Variants in PAK1 observed in about 807,000 individuals in gnomAD.
PAK1 encodes the protein p21 (RAC1) activated kinase 1, also known as serine/threonine-protein kinase PAK 1.
A neutral mutation model predicts 67.4 loss-of-function variants in PAK1; 29 were observed. The ratio of observed to expected loss-of-function variants is 0.43; its 90% CI spans 0.32 to 0.59. PAK1 has a LOEUF of 0.59. Ranked by LOEUF, PAK1 falls within the 20% of genes least tolerant of loss-of-function variation. PAK1 has a pLI of 0.07. For missense variants in PAK1, 337 were observed against 670.7 expected (o/e 0.50, Z 5.50); for synonymous variants, 223 against 237.4 (o/e 0.94, Z 0.56).
At chr11:77,372,311 A>T (rs953943078) in intron 5 of PAK1, among the ~76,000 whole-genome samples, 7 of 152,196 alleles carry the variant, frequency 4.6e-5, no homozygotes, top group African/African-American at 1.7e-4. Context: ...AAGGCAGCAC[A>T]AATCAGGGGA....
chr11:77,379,894 C>G lies in PAK1; in HGVS notation c.291G>C (p.Thr97=). The change falls in exon 3 of 15, where the codon ACG becomes ACC. Residue 97 remains threonine, a splice_region_variant and synonymous_variant. Coordinates refer to ENST00000356341, the MANE Select transcript of PAK1 (RefSeq NM_002576.5). ...VGFDAVTGEF[T]GMPEQWARLL... Reference sequence around the variant, plus strand: ...GACCTTTCTGTGACCCAGGACTTACCGTAAACTCCCCTGTGACAGCATCAA... The same window carrying G: ...GACCTTTCTGTGACCCAGGACTTACGGTAAACTCCCCTGTGACAGCATCAA... 1 of 1,609,356 alleles carries G rather than the reference C, an allele frequency of 6.2e-7. No homozygotes were observed. Among genetic ancestry groups the G allele is most frequent in the Non-Finnish European group, 8.5e-7 (1 of 1,175,976 alleles).
intron 1 of PAK1, among the ~76,000 whole-genome samples, chr11:77,427,149 G>A (rs1252999256): frequency 6.6e-6 from 1 of 152,204 alleles, no homozygotes; most frequent in African/African-American, 2.4e-5. Flanking sequence ...TAAAGTCACT[G>A]AGAAAGTCTA....
intron 10 of PAK1, among the ~76,000 whole-genome samples, chr11:77,342,078 G>A (rs1943691955): frequency 6.6e-6 from 1 of 152,180 alleles, no homozygotes; most frequent in Non-Finnish European, 1.5e-5. Flanking sequence ...CCTTTGGAAG[G>A]TGATTACATC....
chr11:77,512,236 C>T, the PAK1 span, among the ~76,000 whole-genome samples: 16 of 152,166 alleles, frequency 1.1e-4, no homozygotes, highest in Admixed American at 8.5e-4. Flanking sequence ...AGCAGTTCCC[C>T]CTTTGTGGTT....
the PAK1 span, among the ~76,000 whole-genome samples, chr11:77,500,005 C>A: frequency 3.3e-5 from 5 of 152,176 alleles, no homozygotes; most frequent in Non-Finnish European, 7.3e-5. Flanking sequence ...TCTGAACACA[C>A]GCATCTGAGA....
chr11:77,498,234 G>T, the PAK1 span, among the ~76,000 whole-genome samples: 1 of 152,138 alleles, frequency 6.6e-6, no homozygotes, highest in Non-Finnish European at 1.5e-5. Context: ...AGGGGGAGCT[G>T]GGTGAAAAAC....
chr11:77,402,888 A>T lies in PAK1; in HGVS notation c.-21-10347T>A, dbSNP rs113777035. Among the ~76,000 whole-genome samples, 161 of 152,324 alleles carry T rather than the reference A, an allele frequency of 1.1e-3. 1 individual carries two copies. Among genetic ancestry groups the T allele is most frequent in the East Asian group, 5.6e-3 (29 of 5,190 alleles). Reference sequence around the variant, plus strand: ...TTTTCATTTACTTCAGTCACCCATGATCACTCAAACTCTCATCTCCAAACT... The same window carrying T: ...TTTTCATTTACTTCAGTCACCCATGTTCACTCAAACTCTCATCTCCAAACT... On this transcript the variant is annotated intron_variant, in intron 1 of 14. Transcript: ENST00000356341.
chr11:77,484,535 G>C, the PAK1 span, among the ~76,000 whole-genome samples: 4 of 152,264 alleles, frequency 2.6e-5, no homozygotes, highest in East Asian at 5.8e-4. Context: ...TCCAAATTAG[G>C]TTCCACCAAT....
intron 1 of PAK1, among the ~76,000 whole-genome samples, chr11:77,452,776 G>A (rs566770671): frequency 6.6e-6 from 1 of 152,312 alleles, no homozygotes; most frequent in Admixed American, 6.5e-5. Context: ...TAACAGGGTT[G>A]GCACATCTAA....
At chr11:77,365,874 ACAGT>A (rs1282216600) in intron 5 of PAK1, among the ~76,000 whole-genome samples, 1 of 152,066 alleles carries the variant, frequency 6.6e-6, no homozygotes, top group African/African-American at 2.4e-5. Context: ...ACCTAAACGC[ACAGT>A]CAGACTGCCA....
intron 1 of PAK1, among the ~76,000 whole-genome samples, chr11:77,454,847 G>A (rs1363993607): frequency 6.6e-6 from 1 of 152,112 alleles, no homozygotes; most frequent in Non-Finnish European, 1.5e-5. Flanking sequence ...TCAGATTTAG[G>A]TTTACTCAAT....
intron 1 of PAK1, among the ~76,000 whole-genome samples, chr11:77,427,430 T>C (rs1418483397): frequency 3.3e-5 from 5 of 152,200 alleles, no homozygotes; most frequent in Non-Finnish European, 7.3e-5. Context: ...ATAGTGTGAA[T>C]ATATCATTTT....
At chr11:77,486,527 C>T in the PAK1 span, among the ~76,000 whole-genome samples, 1 of 152,152 alleles carries the variant, frequency 6.6e-6, no homozygotes, top group Non-Finnish European at 1.5e-5. Context: ...ACTTAAAGAG[C>T]ACATAAAAGG....
chr11:77,386,361 G>C (rs1950451210), intron 2 of PAK1, among the ~76,000 whole-genome samples: 1 of 152,188 alleles, frequency 6.6e-6, no homozygotes, highest in Admixed American at 6.5e-5. Flanking sequence ...CTCTTCCCAA[G>C]CTCAGAGAAT....
At chr11:77,491,000 G>A in the PAK1 span, among the ~76,000 whole-genome samples, 2 of 151,930 alleles carry the variant, frequency 1.3e-5, no homozygotes, top group African/African-American at 2.4e-5. Context: ...GCGGAAGGCC[G>A]AAGGGTCCTC....
intron 11 of PAK1, among the ~76,000 whole-genome samples, chr11:77,338,404 T>C (rs1369043433): frequency 6.6e-6 from 1 of 152,124 alleles, no homozygotes; most frequent in Non-Finnish European, 1.5e-5. Flanking sequence ...TCCCTGAAAA[T>C]GTAAGAGCTG....
At chr11:77,331,938 A>T (rs571208555) in intron 14 of PAK1, among the ~76,000 whole-genome samples, 4 of 152,192 alleles carry the variant, frequency 2.6e-5, no homozygotes, top group African/African-American at 9.6e-5. Flanking sequence ...GGTGTCAGAG[A>T]CCCGTTTCTC....
chr11:77,347,336 T>C (rs1363962229), intron 9 of PAK1, among the ~76,000 whole-genome samples: 2 of 152,154 alleles, frequency 1.3e-5, no homozygotes, highest in African/African-American at 4.8e-5. Flanking sequence ...TGTTGTGCTC[T>C]TGCGGCCCAA....
chr11:77,515,374 G>A, the PAK1 span, among the ~76,000 whole-genome samples: 1 of 152,158 alleles, frequency 6.6e-6, no homozygotes, highest in African/African-American at 2.4e-5. Context: ...GTTTGGATGA[G>A]GAAGCATACA....
Sources: gnomAD v4.1 joint callset for allele counts (sites outside exome capture counted in the v4.1 genomes callset) on GRCh38, gnomAD v4.1.1 for gene constraint, MANE v1.5 for transcripts, NCBI Gene and HGNC (gene_info 2026-07-23, HGNC 2026-07-21) for gene names.